The following EPS8 variants were observed in gnomAD, a reference collection of about 807,000 sequenced individuals.
EPS8 encodes epidermal growth factor receptor kinase substrate 8.
Under a neutral mutation model 103.8 loss-of-function variants are expected in EPS8, and 42 were observed. That is an observed-to-expected ratio of 0.40 (90% confidence interval 0.32 to 0.52). The LOEUF is 0.52. Ranked by LOEUF, EPS8 falls within the 20% of genes least tolerant of loss-of-function variation. The pLI, the probability that EPS8 is intolerant of heterozygous loss-of-function variation, is 0.40. For missense variants in EPS8, 969 were observed against 1,005.1 expected (o/e 0.96, Z 0.49); for synonymous variants, 344 against 344.6 (o/e 1.00, Z 0.02).
At chr12:15,754,497 T>C (rs148927737) in intron 1 of EPS8, among the ~76,000 whole-genome samples, 2,079 of 152,294 alleles carry the variant, frequency 0.014, 16 homozygotes, top group Non-Finnish European at 0.023. Flanking sequence ...GAGGATTTAG[T>C]AGTTGGCATG....
rs777793899 is a variant in EPS8, at chr12:15,685,728, A to G, written c.-21-2756T>C. Among the ~76,000 whole-genome samples the G allele has an allele frequency of 5.9e-5, 9 of 152,294 alleles. No individual in the cohort carries two copies. The South Asian group carries it at 6.2e-4, about 11-fold the overall frequency. ...AAATATGGAGGCTTTCAAATACCCA[A>G]TTTGAGCGATTGCAGTGTATACCAT... On this transcript the variant is annotated intron_variant, in intron 1 of 20. Coordinates refer to ENST00000281172, the MANE Select transcript of EPS8 (RefSeq NM_004447.6).
chr12:15,782,871 C>T (rs1167085754), intron 1 of EPS8, among the ~76,000 whole-genome samples: 1 of 152,106 alleles, frequency 6.6e-6, no homozygotes, highest in East Asian at 1.9e-4. Context: ...ACCGCTTAGT[C>T]CACTGTGTGA....
At position 15,670,995 on chromosome 12, in the gene EPS8, C is replaced by T; in HGVS notation, c.137-72G>A. The T allele has an allele frequency of 6.2e-6, 7 of 1,122,668 alleles. No individual in the cohort carries two copies. In the South Asian group the frequency reaches 7.7e-5, roughly 12 times the overall value. 69.5% of individuals were successfully genotyped at this position (1,122,668 alleles called of 1,614,324 possible). A position where few individuals can be genotyped will look rare whatever the true frequency, so the allele number is the denominator to read the frequency against. On this transcript the variant is annotated intron_variant, in intron 3 of 20. Transcript: ENST00000281172. ...AAGTTCATATGTTGGTATCATGTGG[C>T]TATCTCTAAAACTAGTCTATCTCAC...
rs1946495762 is a variant in EPS8 at position 15,713,629 on chromosome 12, C to CGG, written c.-21-30658_-21-30657insCC. 6.6e-6 allele frequency among the ~76,000 whole-genome samples: 1 copy of CGG among 152,208 alleles called. No individual in the cohort carries two copies. The highest frequency in any genetic ancestry group is 1.5e-5 in the Non-Finnish European group (1 of 68,046). On this transcript the variant is annotated intron_variant, in intron 1 of 20. Transcript: ENST00000281172. This position sits in a 1 kb window ranked among gnomAD's most constrained non-coding sequence, Gnocchi z 4.8. ...CCAGCCCCATTAAACCTTCACAACT[C>CGG]TAAAGCAGTCCTGATACTTATGCAG...
chr12:15,682,455 G>C (rs1030633827), intron 2 of EPS8, among the ~76,000 whole-genome samples: 2 of 152,144 alleles, frequency 1.3e-5, no homozygotes, highest in African/African-American at 4.8e-5. Flanking sequence ...TATTTTGTTA[G>C]TTTGCCTGAT....
chr12:15,658,631 AATTT>A, intron 10 of EPS8, 46 bp from the exon 11 acceptor site: 1 of 1,278,886 alleles, frequency 7.8e-7, no homozygotes, highest in Non-Finnish European at 1.1e-6. Context: ...AATCCAAGGA[AATTT>A]ATTAAATGGA....
Position 15,713,946 on chromosome 12 carries a change from A to T in EPS8, c.-21-30974T>A, listed in dbSNP as rs1046184072. 6.6e-6 allele frequency among the ~76,000 whole-genome samples: 1 copy of T among 152,212 alleles called. No individual in the cohort carries two copies. Among genetic ancestry groups the T allele is most frequent in the Non-Finnish European group, 1.5e-5 (1 of 68,040 alleles). On this transcript the variant is annotated intron_variant, in intron 1 of 20. Transcript: ENST00000281172. The surrounding 1 kb of genome is among the most constrained non-coding windows in gnomAD (Gnocchi z 4.8). ...TGAGAATCTCCTAGGTAAAAAAATT[A>T]AGAATCTCCAATCTAAGGAATTAGA...
At chr12:15,652,211 C>T (rs1945427478) in intron 13 of EPS8, among the ~76,000 whole-genome samples, 1 of 152,128 alleles carries the variant, frequency 6.6e-6, no homozygotes, top group Admixed American at 6.6e-5. Flanking sequence ...GAAATAAGCT[C>T]ACTCATATGT....
At chr12:15,637,300 C>T (rs1012385601) in intron 17 of EPS8, among the ~76,000 whole-genome samples, 5 of 152,244 alleles carry the variant, frequency 3.3e-5, no homozygotes, top group African/African-American at 9.6e-5. Context: ...GGATTACAGG[C>T]GTGAGCCATT....
At chr12:15,763,897 G>C (rs937499054) in intron 1 of EPS8, among the ~76,000 whole-genome samples, 1 of 152,114 alleles carries the variant, frequency 6.6e-6, no homozygotes, top group African/African-American at 2.4e-5. Context: ...CTCTCAAGTA[G>C]ATTTCTTGCT....
intron 3 of EPS8, among the ~76,000 whole-genome samples, chr12:15,678,573 C>T (rs10846229): frequency 0.72 from 110,206 of 152,034 alleles, 41,094 homozygotes; most frequent in East Asian, 0.87. Context: ...CTTTGATAAT[C>T]ATCTAACTTG....
rs542742207 is a variant in EPS8 at position 15,757,792 on chromosome 12, C to T, written c.-22+31369G>A. On this transcript the variant is annotated intron_variant, in intron 1 of 20. Coordinates refer to ENST00000281172, the MANE Select transcript of EPS8 (RefSeq NM_004447.6). This position sits in a 1 kb window ranked among gnomAD's most constrained non-coding sequence, Gnocchi z 4.1. ...CAGTACTCTTGTAATACTGTTTAAC[C>T]TGTGCATTAGTTATTTACTGCTCTG... is the stretch of plus-strand genomic sequence containing the variant. Among the ~76,000 whole-genome samples the T allele has an allele frequency of 5.1e-4, 78 of 152,284 alleles. No individual in the cohort carries two copies. Among genetic ancestry groups the T allele is most frequent in the South Asian group, 1.2e-3 (6 of 4,824 alleles).
At position 15,747,778 on chromosome 12, in the gene EPS8, T is replaced by C. The variant is rs1433303022; in HGVS notation, c.-22+41383A>G. Among the ~76,000 whole-genome samples, 2 of 152,156 alleles carry C rather than the reference T, an allele frequency of 1.3e-5. No individual in the cohort carries two copies. The highest frequency in any genetic ancestry group is 6.5e-5 in the Admixed American group (1 of 15,276). ...GCTCACGCCTGTAATCCCAGCACTTTGGGAGGCCGAGGTGGGCGGATCACG... is the reference window on the plus strand; with the variant it reads ...GCTCACGCCTGTAATCCCAGCACTTCGGGAGGCCGAGGTGGGCGGATCACG... On this transcript the variant is annotated intron_variant, in intron 1 of 20. Coordinates refer to ENST00000281172, the MANE Select transcript of EPS8 (RefSeq NM_004447.6). This position sits in a 1 kb window ranked among gnomAD's most constrained non-coding sequence, Gnocchi z 4.4.
intron 17 of EPS8, among the ~76,000 whole-genome samples, 180 bp downstream of exon 17, chr12:15,640,523 A>C (rs1296706741): frequency 6.6e-6 from 1 of 152,218 alleles, no homozygotes; most frequent in Non-Finnish European, 1.5e-5. Flanking sequence ...ATCAGAAAAC[A>C]TATGTGTAAT....
In EPS8 at chr12:15,696,999, AAAG is replaced by A. The variant is rs534994183; in HGVS notation, c.-21-14030_-21-14028del. ...GGGTAAGTAAGCTATTTTAGGTCAG[AAAG>A]AAGAGGAGATTTGAAGAGGGAATTA... On this transcript the variant is annotated intron_variant, in intron 1 of 20. Coordinates refer to ENST00000281172, the MANE Select transcript of EPS8 (RefSeq NM_004447.6). This position sits in a 1 kb window ranked among gnomAD's most constrained non-coding sequence, Gnocchi z 4.8. Among the ~76,000 whole-genome samples the A allele has an allele frequency of 1.6e-4, 24 of 152,290 alleles. No individual in the cohort carries two copies. In the South Asian group the frequency reaches 4.8e-3, roughly 30 times the overall value.
Position 15,660,691 on chromosome 12 carries a change from A to G in EPS8, c.860T>C (p.Leu287Pro). 1 of 1,611,846 alleles carries G rather than the reference A, an allele frequency of 6.2e-7. No homozygotes were observed. The highest frequency in any genetic ancestry group is 8.5e-7 in the Non-Finnish European group (1 of 1,178,414). The change falls in exon 10 of 21, where the codon CTC (leucine) becomes CCC (proline). Residue 287 changes from leucine (L) to proline (P), a missense_variant. Coordinates refer to ENST00000281172, the MANE Select transcript of EPS8 (RefSeq NM_004447.6). ...AGAAAATGCTTCTGCTGCTTTTTGG[A>G]GTTTTGTGATAAAAAATTCAATGTC... is the stretch of plus-strand genomic sequence containing the variant. ...LDDIEFFITK[L>P]QKAAEAFSEL...
At chr12:15,750,250 A>G (rs1455940060) in intron 1 of EPS8, among the ~76,000 whole-genome samples, 2 of 152,206 alleles carry the variant, frequency 1.3e-5, no homozygotes, top group African/African-American at 4.8e-5. Flanking sequence ...TTTACACTAC[A>G]TCCTATGGCA....
rs139081507 is a variant in EPS8, at chr12:15,681,865, T to G, written c.60-563A>C. 8.5e-3 allele frequency among the ~76,000 whole-genome samples: 1,299 copies of G among 152,198 alleles called. 11 individuals are homozygous for G. Among genetic ancestry groups the G allele is most frequent in the Middle Eastern group, 0.041 (12 of 294 alleles). On this transcript the variant is annotated intron_variant, in intron 2 of 20. Transcript: ENST00000281172. ...AAATAGTGCTTTATTTGAATTTTAC[T>G]CATTTTTTCAGTGAACATTTTTGTA...
chr12:15,710,637 G>A (rs527590596), intron 1 of EPS8, among the ~76,000 whole-genome samples: 30 of 151,862 alleles, frequency 2.0e-4, no homozygotes, highest in Non-Finnish European at 4.3e-4. Context: ...AAATTTAACC[G>A]ACGTATAATT....
Sources: gnomAD v4.1 joint callset for allele counts (sites outside exome capture counted in the v4.1 genomes callset) on GRCh38, gnomAD v4.1.1 for gene constraint, Gnocchi (gnomAD v3.1) non-coding constraint, MANE v1.5 for transcripts, NCBI Gene and HGNC (gene_info 2026-07-23, HGNC 2026-07-21) for gene names.